LRRC63: variants seen among roughly 807,000 people sequenced by gnomAD.
LRRC63 encodes leucine-rich repeat-containing protein 63.
A neutral mutation model predicts 49.5 loss-of-function variants in LRRC63; 40 were observed. That is an observed-to-expected ratio of 0.81 (90% CI 0.63 to 1.05). The LOEUF (loss-of-function observed/expected upper bound fraction) is 1.05, where lower values mean the gene tolerates loss of function less well. LRRC63 is among the 50% of genes least tolerant of loss of function. The pLI is 0.00. For missense variants in LRRC63, 636 were observed against 663.1 expected (o/e 0.96, Z 0.45); for synonymous variants, 191 against 221.1 (o/e 0.86, Z 1.21).
intron 7 of LRRC63, among the ~76,000 whole-genome samples, chr13:46,260,076 T>C (rs988981107): frequency 1.2e-4 from 19 of 152,210 alleles, no homozygotes; most frequent in African/African-American, 4.6e-4. Context: ...GTAAAAATCA[T>C]ATATAGATGA....
At chr13:46,214,145 T>G (rs924507647) in intron 2 of LRRC63, among the ~76,000 whole-genome samples, 2 of 152,208 alleles carry the variant, frequency 1.3e-5, no homozygotes, top group African/African-American at 4.8e-5. Flanking sequence ...CATTTTCCCC[T>G]TCTCAGTTTC....
intron 9 of LRRC63, among the ~76,000 whole-genome samples, chr13:46,269,328 T>C (rs975587826): frequency 2.0e-5 from 3 of 151,988 alleles, no homozygotes; most frequent in Non-Finnish European, 4.4e-5. Context: ...AATCAACCAA[T>C]GGAAGAGAAA....
chr13:46,229,286 T>C (rs549206713), intron 4 of LRRC63, among the ~76,000 whole-genome samples: 23 of 152,356 alleles, frequency 1.5e-4, no homozygotes, highest in Admixed American at 1.2e-3. Context: ...CATTACTAAG[T>C]AGTTTGTAAT....
At chr13:46,250,612 T>A in intron 7 of LRRC63, 121 bp downstream of exon 7, 2 of 768,906 alleles carry the variant, frequency 2.6e-6, no homozygotes, top group Non-Finnish European at 4.1e-6. Flanking sequence ...TATTCTATTC[T>A]AATTAGCTAA....
intron 2 of LRRC63, among the ~76,000 whole-genome samples, chr13:46,216,701 TC>T (rs1490424288): frequency 2.6e-5 from 4 of 152,352 alleles, no homozygotes; most frequent in Non-Finnish European, 4.4e-5. Flanking sequence ...AGGGAATGCT[TC>T]CAGCTTTTGC....
chr13:46,274,152 A>T (rs2047799226), intron 9 of LRRC63, among the ~76,000 whole-genome samples: 1 of 152,162 alleles, frequency 6.6e-6, no homozygotes, highest in African/African-American at 2.4e-5. Flanking sequence ...GGATTGATCC[A>T]AAGTAATAAG....
At chr13:46,229,041 G>A (rs116439980) in intron 4 of LRRC63, among the ~76,000 whole-genome samples, 3,839 of 152,060 alleles carry the variant, frequency 0.025, 150 homozygotes, top group African/African-American at 0.088. Flanking sequence ...AAATGAAAAT[G>A]AAAAATATAT....
chr13:46,228,945 A>G (rs1594029034), intron 4 of LRRC63, among the ~76,000 whole-genome samples: 1 of 152,204 alleles, frequency 6.6e-6, no homozygotes, highest in South Asian at 2.1e-4. Flanking sequence ...GAGAATATAA[A>G]AGCTGATGCA....
chr13:46,218,219 T>C (rs1249829811), intron 2 of LRRC63, among the ~76,000 whole-genome samples: 1 of 152,226 alleles, frequency 6.6e-6, no homozygotes, highest in Non-Finnish European at 1.5e-5. Context: ...TCTCCCATTA[T>C]TATTGTGTGG....
chr13:46,261,896 C>A lies in LRRC63; in HGVS notation c.1227-13C>A. The A allele has an allele frequency of 1.1e-6, 1 of 883,418 alleles. No individual in the cohort carries two copies. The highest frequency in any genetic ancestry group is 5.4e-5 in the South Asian group (1 of 18,490). 54.7% of individuals were successfully genotyped at this position (883,418 alleles called of 1,614,324 possible). A position where few individuals can be genotyped will look rare whatever the true frequency, so the allele number is the denominator to read the frequency against. On this transcript the variant is annotated splice_polypyrimidine_tract_variant and intron_variant, in intron 7 of 9. Transcript: ENST00000595396. The stretch of plus-strand genomic sequence containing the variant: ...TAATCATTTCTACAATTAATTTTCT[C>A]TTTCTATTTAAGGTTATTTTCCTTG...
chr13:46,255,671 T>TATATATA (rs1487104632), intron 7 of LRRC63, among the ~76,000 whole-genome samples: 4 of 148,318 alleles, frequency 2.7e-5, no homozygotes, highest in Admixed American at 6.8e-5. Context: ...TATATAGTTA[T>TATATATA]TAGTAACCTC....
chr13:46,263,791 T>C (rs527267263), intron 8 of LRRC63, among the ~76,000 whole-genome samples: 1 of 152,346 alleles, frequency 6.6e-6, no homozygotes, highest in South Asian at 2.1e-4. Flanking sequence ...ACTTAAATCT[T>C]ACAAGCATTT....
chr13:46,218,512 G>A (rs145755007), intron 2 of LRRC63, among the ~76,000 whole-genome samples: 1 of 152,028 alleles, frequency 6.6e-6, no homozygotes, highest in Non-Finnish European at 1.5e-5. Context: ...CGTGAGATGG[G>A]TCTCCTGAAT....
chr13:46,223,924 T>C (rs1389748635), intron 2 of LRRC63, among the ~76,000 whole-genome samples: 1 of 152,102 alleles, frequency 6.6e-6, no homozygotes, highest in Non-Finnish European at 1.5e-5. Context: ...CCACTGTTAG[T>C]CTGATGGGGT....
chr13:46,223,249 G>T (rs1010011756), intron 2 of LRRC63, among the ~76,000 whole-genome samples: 1 of 151,870 alleles, frequency 6.6e-6, no homozygotes, highest in African/African-American at 2.4e-5. Context: ...AATATAAAAA[G>T]GGTGTCCTTT....
At chr13:46,239,089 G>C (rs1371630627) in intron 5 of LRRC63, among the ~76,000 whole-genome samples, 1 of 152,080 alleles carries the variant, frequency 6.6e-6, no homozygotes, top group African/African-American at 2.4e-5. Context: ...AGAGAAGCAA[G>C]AGTAAACCAA....
At chr13:46,222,901 G>C (rs2046448185) in intron 2 of LRRC63, among the ~76,000 whole-genome samples, 2 of 152,180 alleles carry the variant, frequency 1.3e-5, no homozygotes, top group South Asian at 4.2e-4. Context: ...ATGAGTTCGT[G>C]TCCTTTGTAG....
intron 7 of LRRC63, among the ~76,000 whole-genome samples, chr13:46,261,704 A>G (rs2047617590): frequency 6.6e-6 from 1 of 152,200 alleles, no homozygotes; most frequent in Non-Finnish European, 1.5e-5. Flanking sequence ...CACTCCAAAA[A>G]TCTCAAACTG....
intron 5 of LRRC63, among the ~76,000 whole-genome samples, chr13:46,246,046 C>A (rs1298248322): frequency 6.6e-6 from 1 of 152,052 alleles, no homozygotes; most frequent in Middle Eastern, 3.2e-3. Flanking sequence ...TGATGCTGTT[C>A]TCCTGATAGC....
Sources: gnomAD v4.1 joint callset for allele counts (sites outside exome capture counted in the v4.1 genomes callset) on GRCh38, gnomAD v4.1.1 for gene constraint, MANE v1.5 for transcripts, NCBI Gene and HGNC (gene_info 2026-07-23, HGNC 2026-07-21) for gene names.